REEP1: variants seen among roughly 807,000 people sequenced by gnomAD.
The protein encoded by REEP1 is receptor expression-enhancing protein 1.
REEP1 carries 22 observed loss-of-function variants against 40.3 expected under a neutral mutation model. That is an observed-to-expected ratio of 0.55 (90% CI 0.39 to 0.78). The LOEUF is 0.78. Ranked by LOEUF, REEP1 falls within the 30% of genes least tolerant of loss-of-function variation. REEP1 has a pLI of 0.00. For synonymous variants in REEP1, 116 were observed against 139.2 expected, an observed-to-expected ratio of 0.83 and a Z score of 1.17; for missense variants, 280 against 361.1, an observed-to-expected ratio of 0.78 and a Z score of 1.82.
chr2:86,322,309 C>T lies in REEP1; in HGVS notation c.32+15170G>A, dbSNP rs188699552. Reference sequence around the variant, plus strand: ...TGGTAACCCCAGCACTTTGGGAGGCCGAGGTGGGGGGATTGCTTGAGGCCA... The same window carrying T: ...TGGTAACCCCAGCACTTTGGGAGGCTGAGGTGGGGGGATTGCTTGAGGCCA... On this transcript the variant is annotated intron_variant, in intron 1 of 8. Coordinates refer to ENST00000538924, the MANE Select transcript of REEP1 (RefSeq NM_001371279.1). Among the ~76,000 whole-genome samples, 80 of 152,122 alleles carry T rather than the reference C, an allele frequency of 5.3e-4. 1 individual carries two copies. Among genetic ancestry groups the T allele is most frequent in the African/African-American group, 1.7e-3 (70 of 41,480 alleles).
intron 2 of REEP1, among the ~76,000 whole-genome samples, chr2:86,265,703 C>A (rs917749611): frequency 1.3e-5 from 2 of 152,148 alleles, no homozygotes; most frequent in African/African-American, 4.8e-5. Context: ...CCAAATACTG[C>A]ATGTTCTCAC....
In REEP1 at chr2:86,219,970, C is replaced by T. The variant is rs1369304729; in HGVS notation, c.783G>A (p.Glu261=). Residue 261 remains glutamate (E), a splice_region_variant and synonymous_variant, in exon 8 of 9, where the codon GAG becomes GAA. Transcript: ENST00000538924. The stretch of plus-strand genomic sequence containing the variant: ...ACCCACAGCCCCAGACACTGTGTAC[C>T]TCCAGGGGCAATTCCATCCTTCGAG... ...KAPRRMELPL[E]APPRILRSRF... The T allele has an allele frequency of 1.6e-6, 2 of 1,232,174 alleles. No homozygotes were observed. Among genetic ancestry groups the T allele is most frequent in the Non-Finnish European group, 2.0e-6 (2 of 988,012 alleles). The allele number at this position is 1,232,174 out of a possible 1,614,324, so 76.3% of individuals were successfully genotyped here. A position where few individuals can be genotyped will look rare whatever the true frequency, so the allele number is the denominator to read the frequency against.
chr2:86,334,303 A>G (rs1353702384), intron 1 of REEP1, among the ~76,000 whole-genome samples: 3 of 152,168 alleles, frequency 2.0e-5, no homozygotes, highest in African/African-American at 7.2e-5. Context: ...CTCCCTCTCT[A>G]TCCTCACAAC....
chr2:86,305,335 C>CT, intron 1 of REEP1, among the ~76,000 whole-genome samples: 1 of 152,354 alleles, frequency 6.6e-6, no homozygotes, highest in South Asian at 2.1e-4. Flanking sequence ...CCCCAGCCCT[C>CT]TGCCTTTCTG....
chr2:86,217,630 G>A (rs192937035), intron 8 of REEP1, among the ~76,000 whole-genome samples: 7 of 150,284 alleles, frequency 4.7e-5, no homozygotes, highest in South Asian at 4.2e-4. Context: ...TCCCTTATCC[G>A]GAAATGCCTG....
At chr2:86,299,128 C>A (rs2104451961) in intron 1 of REEP1, among the ~76,000 whole-genome samples, 1 of 152,206 alleles carries the variant, frequency 6.6e-6, no homozygotes, top group East Asian at 1.9e-4. Flanking sequence ...CTGCAGGTGT[C>A]CCACCAGCTC....
chr2:86,313,619 C>T (rs1316836424), intron 1 of REEP1, among the ~76,000 whole-genome samples: 1 of 152,198 alleles, frequency 6.6e-6, no homozygotes, highest in Non-Finnish European at 1.5e-5. Context: ...CATATTGAAA[C>T]CAGTTTGAGC....
intron 3 of REEP1, among the ~76,000 whole-genome samples, chr2:86,255,500 C>G (rs1196914901): frequency 6.6e-6 from 1 of 152,166 alleles, no homozygotes; most frequent in Non-Finnish European, 1.5e-5. Context: ...TACCCTCAAG[C>G]CTGTTCATTT....
intron 5 of REEP1, among the ~76,000 whole-genome samples, chr2:86,235,214 A>G (rs759037410): frequency 6.6e-6 from 1 of 152,270 alleles, no homozygotes; most frequent in African/African-American, 2.4e-5. Flanking sequence ...GATACAACAC[A>G]GAAGTATCCT....
chr2:86,219,225 G>C (rs1674284385), intron 8 of REEP1, among the ~76,000 whole-genome samples: 1 of 152,154 alleles, frequency 6.6e-6, no homozygotes, highest in South Asian at 2.1e-4. Flanking sequence ...CTTTATACCA[G>C]GCACTATATG....
intron 1 of REEP1, among the ~76,000 whole-genome samples, chr2:86,304,030 T>C (rs1679374572): frequency 1.3e-5 from 2 of 152,086 alleles, no homozygotes; most frequent in South Asian, 2.1e-4. Context: ...TTGGTAGATA[T>C]GTAGTAAATA....
chr2:86,288,032 A>ATTTTTTTTTTTTTTTATTTTTT (rs1558916457), intron 1 of REEP1, among the ~76,000 whole-genome samples: 3 of 149,754 alleles, frequency 2.0e-5, no homozygotes, highest in African/African-American at 7.6e-5. Flanking sequence ...TATTTTTATT[A>ATTTTTTTTTTTTTTTATTTTTT]TTTTTTTGAG....
intron 1 of REEP1, among the ~76,000 whole-genome samples, chr2:86,314,249 AGCAGCT>A (rs1679891066): frequency 6.6e-6 from 1 of 152,196 alleles, no homozygotes; most frequent in African/African-American, 2.4e-5. Flanking sequence ...GCCCAGTGGC[AGCAGCT>A]TGGATGCCTG....
At chr2:86,224,577 C>T (rs1674590368) in intron 7 of REEP1, among the ~76,000 whole-genome samples, 1 of 152,158 alleles carries the variant, frequency 6.6e-6, no homozygotes, top group South Asian at 2.1e-4. Context: ...TATTAAGAGG[C>T]CCTTGGAGAG....
At position 86,215,806 on chromosome 2, in the gene REEP1, TTGAG is replaced by T. The variant is rs1274049439; in HGVS notation, c.*1229_*1232del. ...CGTCTGATAAGGCCTGTAGTGCCCA[TTGAG>T]TATGAGTCTGCTGTTTACATTCTGC... On this transcript the variant is annotated 3_prime_UTR_variant, in exon 9 of 9. Transcript: ENST00000538924. The T allele has an allele frequency of 6.6e-6, 1 of 152,350 alleles. No individual in the cohort carries two copies. Among genetic ancestry groups the T allele is most frequent in the East Asian group, 1.9e-4 (1 of 5,192 alleles). 9.4% of individuals were successfully genotyped at this position (152,350 alleles called of 1,614,324 possible).
chr2:86,217,770 C>A (rs866023244), intron 8 of REEP1, among the ~76,000 whole-genome samples: 1 of 148,146 alleles, frequency 6.8e-6, no homozygotes, highest in Non-Finnish European at 1.5e-5. Context: ...TGAGCATGAC[C>A]TTTGTGCGTC....
chr2:86,322,985 A>G (rs1321788501), intron 1 of REEP1, among the ~76,000 whole-genome samples: 1 of 152,160 alleles, frequency 6.6e-6, no homozygotes, highest in Non-Finnish European at 1.5e-5. Flanking sequence ...TCAGGAGTTC[A>G]AGACTAGCAT....
intron 1 of REEP1, among the ~76,000 whole-genome samples, chr2:86,331,034 C>T (rs75174034): frequency 0.022 from 3,273 of 152,230 alleles, 128 homozygotes; most frequent in African/African-American, 0.074. Context: ...AACTGGGGCC[C>T]GAGCAACCAG....
chr2:86,240,701 T>A (rs1310283789), intron 5 of REEP1, among the ~76,000 whole-genome samples: 1 of 151,982 alleles, frequency 6.6e-6, no homozygotes, highest in Non-Finnish European at 1.5e-5. Context: ...CACTGAAGGT[T>A]TTTGAGAGGT....
Sources: gnomAD v4.1 joint callset for allele counts (sites outside exome capture counted in the v4.1 genomes callset) on GRCh38, gnomAD v4.1.1 for gene constraint, MANE v1.5 for transcripts, NCBI Gene and HGNC (gene_info 2026-07-23, HGNC 2026-07-21) for gene names.